BCKDHB: variants seen among roughly 807,000 people sequenced by gnomAD.
The protein encoded by BCKDHB is 2-oxoisovalerate dehydrogenase subunit beta, mitochondrial.
A neutral mutation model predicts 48.5 loss-of-function variants in BCKDHB; 41 were observed. The ratio of observed to expected loss-of-function variants is 0.85; its 90% CI spans 0.66 to 1.10. The LOEUF (loss-of-function observed/expected upper bound fraction) is 1.10, where lower values mean the gene tolerates loss of function less well. BCKDHB is among the 50% of genes least tolerant of loss of function. The probability of loss-of-function intolerance (pLI) is 0.00; values close to 1 mark genes in which losing one functional copy is unlikely to be tolerated. For synonymous variants in BCKDHB, 201 were observed against 174.8 expected (o/e 1.15, Z -1.18); for missense variants, 496 against 494.2 (o/e 1.00, Z -0.03).
At chr6:80,293,984 G>A (rs1230391837) in intron 9 of BCKDHB, among the ~76,000 whole-genome samples, 1 of 152,126 alleles carries the variant, frequency 6.6e-6, no homozygotes, top group East Asian at 1.9e-4. Flanking sequence ...CCGCATTTTG[G>A]TCAAAGCCAT....
the BCKDHB span, among the ~76,000 whole-genome samples, chr6:80,389,050 T>C: frequency 5.3e-5 from 8 of 152,140 alleles, no homozygotes; most frequent in Non-Finnish European, 1.2e-4. Flanking sequence ...GGAAGAGATA[T>C]GTGGATGGAA....
At chr6:80,361,934 C>T in the BCKDHB span, among the ~76,000 whole-genome samples, 2 of 152,016 alleles carry the variant, frequency 1.3e-5, no homozygotes, top group Non-Finnish European at 2.9e-5. Flanking sequence ...AGAGTAAAGT[C>T]CACATTTTAT....
chr6:80,162,339 C>G (rs1339860655), intron 3 of BCKDHB, among the ~76,000 whole-genome samples: 2 of 152,150 alleles, frequency 1.3e-5, no homozygotes, highest in African/African-American at 2.4e-5. Flanking sequence ...ACCATCAATG[C>G]CCATATGCCT....
At chr6:80,197,053 A>T (rs1386248563) in intron 6 of BCKDHB, among the ~76,000 whole-genome samples, 1 of 152,146 alleles carries the variant, frequency 6.6e-6, no homozygotes, top group Non-Finnish European at 1.5e-5. Context: ...GGTGTCAGTT[A>T]GTCCCACTTC....
the BCKDHB span, among the ~76,000 whole-genome samples, chr6:80,363,645 G>A: frequency 1.3e-5 from 2 of 152,070 alleles, no homozygotes; most frequent in African/African-American, 4.8e-5. Flanking sequence ...ATACTTTATT[G>A]TCATAATATA....
the BCKDHB span, among the ~76,000 whole-genome samples, chr6:80,360,181 T>G: frequency 6.6e-6 from 1 of 152,214 alleles, no homozygotes. Flanking sequence ...TACAAATTAC[T>G]GAAACTAAAC....
intron 9 of BCKDHB, among the ~76,000 whole-genome samples, chr6:80,337,981 T>C (rs922566621): frequency 6.6e-6 from 1 of 152,224 alleles, no homozygotes; most frequent in African/African-American, 2.4e-5. Flanking sequence ...CTATACCAGC[T>C]ATATAAGAAG....
chr6:80,339,362 G>A (rs1050837899), intron 9 of BCKDHB, among the ~76,000 whole-genome samples: 2 of 152,036 alleles, frequency 1.3e-5, no homozygotes, highest in Non-Finnish European at 2.9e-5. Context: ...AAATTTAAAG[G>A]TTGTCTGTCC....
chr6:80,295,544 A>G (rs1016928402), intron 9 of BCKDHB, among the ~76,000 whole-genome samples: 14 of 151,486 alleles, frequency 9.2e-5, no homozygotes, highest in Non-Finnish European at 4.4e-5. Flanking sequence ...ACAGTTCAAG[A>G]TGAGATTTGA....
At chr6:80,234,047 T>G (rs371621576) in intron 8 of BCKDHB, among the ~76,000 whole-genome samples, 1 of 152,154 alleles carries the variant, frequency 6.6e-6, no homozygotes, top group East Asian at 1.9e-4. Flanking sequence ...ATCCCTCGCA[T>G]GCACAGTTCA....
chr6:80,439,915 T>A, the BCKDHB span, among the ~76,000 whole-genome samples: 7 of 150,894 alleles, frequency 4.6e-5, no homozygotes, highest in East Asian at 1.4e-3. Context: ...TATTGTTTTC[T>A]GGAAGATGAT....
rs1031182895 is a variant in BCKDHB at position 80,168,997 on chromosome 6, T to G, written c.600T>G (p.Pro200=). ...GHGALYHSQS[P]EAFFAHCPGI... is the part of the protein sequence containing the mutation. ...GGGCTCTCTATCATTCTCAGAGTCC[T>G]GAAGCATTTTTTGCCCATTGCCCAG... Residue 200 remains proline, a synonymous_variant, in exon 5 of 10, where the codon CCT becomes CCG. Transcript: ENST00000320393. 7 of 1,614,202 alleles carry G rather than the reference T, an allele frequency of 4.3e-6. No individual in the cohort carries two copies. Among genetic ancestry groups the G allele is most frequent in the Non-Finnish European group, 5.9e-6 (7 of 1,180,002 alleles).
At chr6:80,217,401 A>C (rs1775223461) in intron 8 of BCKDHB, among the ~76,000 whole-genome samples, 1 of 152,180 alleles carries the variant, frequency 6.6e-6, no homozygotes. Context: ...GTGTTTAATT[A>C]AGTTATATAG....
the BCKDHB span, among the ~76,000 whole-genome samples, chr6:80,404,227 T>G: frequency 2.0e-5 from 3 of 152,158 alleles, no homozygotes; most frequent in Non-Finnish European, 4.4e-5. Flanking sequence ...AGGGAATTTT[T>G]TTTAAAATGA....
chr6:80,441,075 G>A, the BCKDHB span: 2 of 146,818 alleles, frequency 1.4e-5, no homozygotes, highest in Non-Finnish European at 3.1e-5. Context: ...TGAAACTAAA[G>A]GTCATTCCAT....
the BCKDHB span, among the ~76,000 whole-genome samples, chr6:80,459,999 T>G: frequency 6.6e-6 from 1 of 152,156 alleles, no homozygotes; most frequent in African/African-American, 2.4e-5. Context: ...ACTTTCTTCA[T>G]GTACTTCCAT....
the BCKDHB span, among the ~76,000 whole-genome samples, chr6:80,429,580 G>T: frequency 5.9e-5 from 9 of 152,034 alleles, no homozygotes; most frequent in Non-Finnish European, 7.4e-5. Flanking sequence ...CCTTGAAGAG[G>T]TCCTTCACAT....
chr6:80,278,709 C>A (rs1462293282), intron 9 of BCKDHB, among the ~76,000 whole-genome samples: 1 of 152,156 alleles, frequency 6.6e-6, no homozygotes, highest in Non-Finnish European at 1.5e-5. Flanking sequence ...CAGGCACCTG[C>A]CACCCTGCCC....
chr6:80,176,196 T>TTAAGA (rs1409790252), intron 6 of BCKDHB, among the ~76,000 whole-genome samples: 1 of 152,082 alleles, frequency 6.6e-6, no homozygotes, highest in Non-Finnish European at 1.5e-5. Context: ...GAAGGAGGTG[T>TTAAGA]TAAGAGTAAG....
Sources: gnomAD v4.1 joint callset for allele counts (sites outside exome capture counted in the v4.1 genomes callset) on GRCh38, gnomAD v4.1.1 for gene constraint, MANE v1.5 for transcripts, NCBI Gene and HGNC (gene_info 2026-07-23, HGNC 2026-07-21) for gene names.